Variants in AKAP19 observed in about 807,000 individuals in gnomAD.
AKAP19 encodes the protein small A-kinase anchoring protein.
chr2:190,197,259 ACTACTGATTCCTAAGGTGTCG>A, the AKAP19 span, among the ~76,000 whole-genome samples: 1 of 152,198 alleles, frequency 6.6e-6, no homozygotes, highest in Non-Finnish European at 1.5e-5. This position sits in a 1 kb window ranked among gnomAD's most constrained non-coding sequence, Gnocchi z 4.0. Flanking sequence ...TTTAGGGTAT[ACTACTGATTCCTAAGGTGTCG>A]CATTTCTTGA....
chr2:190,125,924 C>T, the AKAP19 span, among the ~76,000 whole-genome samples: 33 of 152,054 alleles, frequency 2.2e-4, no homozygotes, highest in African/African-American at 6.8e-4. Context: ...TTTAATGACC[C>T]TTAAAACCTT....
chr2:190,058,603 C>CT, the AKAP19 span, among the ~76,000 whole-genome samples: 8 of 151,904 alleles, frequency 5.3e-5, no homozygotes, highest in Non-Finnish European at 1.2e-4. Flanking sequence ...TGGAACCAGC[C>CT]TAAGTGCCCA....
At chr2:190,106,910 C>G in the AKAP19 span, among the ~76,000 whole-genome samples, 1 of 152,184 alleles carries the variant, frequency 6.6e-6, no homozygotes, top group African/African-American at 2.4e-5. Flanking sequence ...CACTGAGGAA[C>G]AGCTTAAATT....
chr2:189,936,134 T>C, the AKAP19 span, among the ~76,000 whole-genome samples: 1 of 152,124 alleles, frequency 6.6e-6, no homozygotes, highest in Admixed American at 6.6e-5. Context: ...AGGAGTAATA[T>C]TGAAAAAAAA....
chr2:189,991,409 T>C, the AKAP19 span, among the ~76,000 whole-genome samples: 95 of 152,360 alleles, frequency 6.2e-4, no homozygotes, highest in African/African-American at 2.0e-3. Context: ...TAAGGTAGTA[T>C]CTCATTGTAG....
chr2:189,972,840 G>C, the AKAP19 span, among the ~76,000 whole-genome samples: 2 of 152,226 alleles, frequency 1.3e-5, no homozygotes, highest in Non-Finnish European at 2.9e-5. Flanking sequence ...TTTGTATCCT[G>C]AGACCTTGCT....
chr2:190,081,997 C>T, the AKAP19 span, among the ~76,000 whole-genome samples: 1 of 152,132 alleles, frequency 6.6e-6, no homozygotes, highest in Non-Finnish European at 1.5e-5. Flanking sequence ...ACCACTGATA[C>T]AGCTATCCAC....
chr2:189,956,562 A>G, the AKAP19 span, among the ~76,000 whole-genome samples: 4 of 152,032 alleles, frequency 2.6e-5, no homozygotes, highest in Non-Finnish European at 5.9e-5. Context: ...ACAGATTTAC[A>G]TCATATACAT....
At chr2:189,933,877 A>G in the AKAP19 span, among the ~76,000 whole-genome samples, 1 of 152,162 alleles carries the variant, frequency 6.6e-6, no homozygotes, top group Non-Finnish European at 1.5e-5. Flanking sequence ...TTTCTTTCTC[A>G]CTAACCTGGA....
the AKAP19 span, among the ~76,000 whole-genome samples, chr2:190,146,172 G>T: frequency 1.3e-5 from 2 of 151,780 alleles, no homozygotes; most frequent in Non-Finnish European, 2.9e-5. Context: ...CTTCCCCCAG[G>T]TCCCCAAAGT....
chr2:190,196,742 G>C, the AKAP19 span, among the ~76,000 whole-genome samples: 1 of 152,094 alleles, frequency 6.6e-6, no homozygotes, highest in Non-Finnish European at 1.5e-5. Context: ...TTTTGTAAAT[G>C]AAGCTTTATT....
At chr2:189,971,957 C>A in the AKAP19 span, among the ~76,000 whole-genome samples, 2 of 151,648 alleles carry the variant, frequency 1.3e-5, no homozygotes, top group Non-Finnish European at 2.9e-5. Context: ...ATGGTAGTTT[C>A]TTTTGCTGTG....
the AKAP19 span, among the ~76,000 whole-genome samples, chr2:190,148,324 G>A: frequency 6.6e-6 from 1 of 152,194 alleles, no homozygotes; most frequent in Admixed American, 6.5e-5. Context: ...ATTCACATAT[G>A]TTAAACCATT....
the AKAP19 span, chr2:189,917,422 C>T: frequency 7.4e-6 from 6 of 807,872 alleles, no homozygotes; most frequent in Non-Finnish European, 1.3e-5. Context: ...CTTCTCAAAA[C>T]CATGTCTGTT....
the AKAP19 span, among the ~76,000 whole-genome samples, chr2:189,914,298 T>C: frequency 6.6e-6 from 1 of 152,128 alleles, no homozygotes; most frequent in Admixed American, 6.5e-5. Context: ...ACAAATTGAT[T>C]TCTGAAGAGA....
chr2:190,006,638 C>CAAAA, the AKAP19 span, among the ~76,000 whole-genome samples: 28 of 113,882 alleles, frequency 2.5e-4, 1 homozygote, highest in African/African-American at 7.4e-4. Flanking sequence ...GACTCTGTCT[C>CAAAA]AAAAAAAAAA....
At chr2:190,181,064 C>T in the AKAP19 span, 2 of 985,612 alleles carry the variant, frequency 2.0e-6, no homozygotes, top group Non-Finnish European at 2.4e-6. Flanking sequence ...GACCCCACGG[C>T]TGTCCGGACG....
At chr2:189,999,017 C>T in the AKAP19 span, among the ~76,000 whole-genome samples, 2 of 151,940 alleles carry the variant, frequency 1.3e-5, no homozygotes. Context: ...AGTGATCTGC[C>T]CACCACAGCC....
At chr2:190,066,447 T>C in the AKAP19 span, among the ~76,000 whole-genome samples, 1 of 152,186 alleles carries the variant, frequency 6.6e-6, no homozygotes, top group Non-Finnish European at 1.5e-5. Flanking sequence ...GAATGAATCA[T>C]GAAAAATTCA....
Sources: gnomAD v4.1 joint callset for allele counts (sites outside exome capture counted in the v4.1 genomes callset) on GRCh38, gnomAD v4.1.1 for gene constraint, Gnocchi (gnomAD v3.1) non-coding constraint, MANE v1.5 for transcripts, NCBI Gene and HGNC (gene_info 2026-07-23, HGNC 2026-07-21) for gene names.